Variants in RASGRP1 observed in about 807,000 individuals in gnomAD.
RASGRP1 encodes RAS guanyl releasing protein 1.
A neutral mutation model predicts 95.1 loss-of-function variants in RASGRP1; 37 were observed. That is an observed-to-expected ratio of 0.39 (90% CI 0.30 to 0.51). The LOEUF (loss-of-function observed/expected upper bound fraction) is 0.51. Ranked by LOEUF, RASGRP1 falls within the 20% of genes least tolerant of loss-of-function variation. RASGRP1 has a pLI of 0.80. For missense variants in RASGRP1, 711 were observed against 965.4 expected, an observed-to-expected ratio of 0.74 and a Z score of 3.49; for synonymous variants, 325 against 353.4, an observed-to-expected ratio of 0.92 and a Z score of 0.90.
intron 6 of RASGRP1, 133 bp downstream of exon 6, chr15:38,516,064 T>C (rs1224796587): frequency 4.8e-6 from 5 of 1,037,292 alleles, no homozygotes; most frequent in Admixed American, 2.6e-5. Flanking sequence ...TCAGACTCTA[T>C]GATGTCTGGC....
chr15:38,545,980 T>C (rs567453617), intron 2 of RASGRP1, among the ~76,000 whole-genome samples: 12 of 152,318 alleles, frequency 7.9e-5, no homozygotes, highest in Admixed American at 4.6e-4. Context: ...TCTCTTCTAG[T>C]CTCATAGCTG....
At chr15:38,505,341 AC>A (rs1466905622) in intron 10 of RASGRP1, among the ~76,000 whole-genome samples, 2 of 152,214 alleles carry the variant, frequency 1.3e-5, no homozygotes, top group Admixed American at 6.5e-5. Context: ...TGTTCTTTTC[AC>A]CCAGAACATT....
chr15:38,494,695 G>T lies in RASGRP1; in HGVS notation c.1946C>A (p.Thr649Asn). The T allele has an allele frequency of 6.5e-7, 1 of 1,528,714 alleles. No individual in the cohort carries two copies. The allele number at this position is 1,528,714 out of a possible 1,614,324, so 94.7% of individuals were successfully genotyped here. ...VEHGEESKDR[T>N]IMLMGVSSQK... ...TGAGGACACTCCCATCAGCATGATG[G>T]TCCGATCCTTACTCTCCTCACCATG... The change falls in exon 16 of 17, where the codon ACC becomes AAC. Residue 649 changes from threonine (T) to asparagine (N), a missense_variant. Around this residue, in one of 3 missense-constraint regions of RASGRP1, gnomAD observed 212 missense variants for 247.8 expected, o/e 0.86. Coordinates refer to ENST00000310803, the MANE Select transcript of RASGRP1 (RefSeq NM_005739.4).
rs55704435 is a variant in RASGRP1 at position 38,507,957 on chromosome 15, G to A, written c.1011C>T (p.Tyr337=). The A allele has an allele frequency of 0.015, 24,354 of 1,609,982 alleles. 232 individuals are homozygous for A. The highest frequency in any genetic ancestry group is 0.019 in the Non-Finnish European group (22,430 of 1,178,444). The stretch of plus-strand genomic sequence containing the variant: ...CTCCATAGGCTCGCCGGTAATTGTC[G>A]TAGTTTCTGGAGGAGGACAGCAGCT... The part of the protein sequence containing the change: ...MTELLSSSRN[Y]DNYRRAYGEC... The change falls in exon 9 of 17, where the codon TAC becomes TAT. Residue 337 remains tyrosine, a synonymous_variant. Transcript: ENST00000310803.
At chr15:38,518,265 A>C (rs1261806175) in intron 5 of RASGRP1, 27 bp downstream of exon 5, 23 of 1,603,930 alleles carry the variant, frequency 1.4e-5, no homozygotes, top group Non-Finnish European at 2.0e-5. Flanking sequence ...GTGGTTTCGA[A>C]AGATGAGTCA....
At chr15:38,561,397 A>G (rs1893805154) in intron 1 of RASGRP1, among the ~76,000 whole-genome samples, 2 of 152,252 alleles carry the variant, frequency 1.3e-5, no homozygotes, top group South Asian at 4.1e-4. Flanking sequence ...TAAATGTTAA[A>G]TAAGTGTTCT....
chr15:38,491,923 G>A (rs893941904), intron 16 of RASGRP1, among the ~76,000 whole-genome samples: 2 of 152,190 alleles, frequency 1.3e-5, no homozygotes, highest in African/African-American at 2.4e-5. Flanking sequence ...CCTTTTCATC[G>A]GCATGTAAAA....
intron 2 of RASGRP1, among the ~76,000 whole-genome samples, chr15:38,544,093 G>A (rs993881011): frequency 2.0e-5 from 3 of 152,178 alleles, no homozygotes; most frequent in Admixed American, 6.5e-5. Flanking sequence ...TCATTAGGGT[G>A]AGTCAAGATT....
rs562314506 is a variant in RASGRP1, at chr15:38,553,546, G to A, written c.220+6275C>T. ...TGTAGTCCTCTGACCCATGGGGACG[G>A]GCATAAGTTACGGAGTAGACCCTCC... On this transcript the variant is annotated intron_variant, in intron 2 of 16. Coordinates refer to ENST00000310803, the MANE Select transcript of RASGRP1 (RefSeq NM_005739.4). Among the ~76,000 whole-genome samples the A allele has an allele frequency of 3.7e-4, 57 of 152,256 alleles. 1 individual carries two copies. The highest frequency in any genetic ancestry group is 2.3e-3 in the South Asian group (11 of 4,822).
In RASGRP1 at chr15:38,488,448, C is replaced by T. The variant is rs570231761; in HGVS notation, c.*2106G>A. On this transcript the variant is annotated 3_prime_UTR_variant, in exon 17 of 17. Transcript: ENST00000310803. ...CCCACTAGCCCCATGTTGCTCAACA[C>T]AAATACTATTAACTTGTATACTATA... 6.6e-6 allele frequency: 1 copy of T among 150,386 alleles called. No homozygotes were observed. Among genetic ancestry groups the T allele is most frequent in the South Asian group, 2.1e-4 (1 of 4,768 alleles). 9.3% of individuals were successfully genotyped at this position (150,386 alleles called of 1,614,324 possible).
At chr15:38,536,198 C>T (rs1294988831) in intron 2 of RASGRP1, among the ~76,000 whole-genome samples, 1 of 152,166 alleles carries the variant, frequency 6.6e-6, no homozygotes, top group African/African-American at 2.4e-5. Context: ...CTGCCATGCA[C>T]GCAACCCCAT....
At chr15:38,503,605 T>G in intron 10 of RASGRP1, 1 of 526,494 alleles carries the variant, frequency 1.9e-6, no homozygotes, top group Admixed American at 3.6e-5. Flanking sequence ...TATCTGCAGC[T>G]ACAGATAATT....
chr15:38,498,873 T>G lies in RASGRP1; in HGVS notation c.1794A>C (p.Pro598=), dbSNP rs1246685407. The G allele has an allele frequency of 1.2e-6, 2 of 1,613,764 alleles. No homozygotes were observed. The highest frequency in any genetic ancestry group is 1.7e-6 in the Non-Finnish European group (2 of 1,179,860). Residue 598 remains proline, a synonymous_variant, in exon 15 of 17, where the codon CCA becomes CCC. Transcript: ENST00000310803. The stretch of plus-strand genomic sequence containing the variant: ...AAGTGTTGTTCTCTGTGGGAGCTAC[T>G]GGGTTCTTGGCTCGCTTCTTACACT... ...VFECKKRAKN[P]VAPTENNTSV... is the part of the protein sequence containing the mutation.
intron 2 of RASGRP1, among the ~76,000 whole-genome samples, chr15:38,527,021 A>G (rs1892250379): frequency 6.6e-6 from 1 of 152,234 alleles, no homozygotes; most frequent in African/African-American, 2.4e-5. Flanking sequence ...AGTACTCATG[A>G]TGATTTGTAT....
chr15:38,499,499 C>T (rs544418287), intron 14 of RASGRP1, among the ~76,000 whole-genome samples: 8 of 152,178 alleles, frequency 5.3e-5, no homozygotes, highest in Admixed American at 4.6e-4. Flanking sequence ...AGGCCAGCCA[C>T]GACAGAAAGA....
At chr15:38,543,657 T>C (rs1159026698) in intron 2 of RASGRP1, among the ~76,000 whole-genome samples, 1 of 150,490 alleles carries the variant, frequency 6.6e-6, no homozygotes, top group Non-Finnish European at 1.5e-5. Context: ...TCTTTTTTTT[T>C]TTTTGCATCC....
chr15:38,539,356 A>G (rs1179036717), intron 2 of RASGRP1, among the ~76,000 whole-genome samples: 1 of 152,216 alleles, frequency 6.6e-6, no homozygotes, highest in African/African-American at 2.4e-5. Context: ...CATGCTCTCA[A>G]TATTTACTAC....
In RASGRP1 at chr15:38,507,781, A is replaced by G. The variant is rs1260423984; in HGVS notation, c.1187T>C (p.Leu396Pro). The change falls in exon 9 of 17, where the codon CTG (leucine) becomes CCG (proline). Residue 396 changes from leucine to proline, a missense_variant. Physicochemically the swap from Leu to Pro is moderately conservative, Grantham distance 98. This residue lies in a region of RASGRP1 where 491 missense variants were observed against 676.6 expected (regional missense o/e 0.73). Transcript: ENST00000310803. Reference sequence around the variant, plus strand: ...CTCCAAGGGTGGGGCCACCTCTTGCAGCTGGACCAATTCACTGATATGATT... The same window carrying G: ...CTCCAAGGGTGGGGCCACCTCTTGCGGCTGGACCAATTCACTGATATGATT... The part of the protein sequence containing the change: ...LYNHISELVQ[L>P]QEVAPPLEAN... 2.5e-6 allele frequency: 4 copies of G among 1,605,940 alleles called. No individual in the cohort carries two copies. The highest frequency in any genetic ancestry group is 3.4e-6 in the Non-Finnish European group (4 of 1,176,448).
chr15:38,488,275 G>A lies in RASGRP1; in HGVS notation c.*2279C>T, dbSNP rs991960525. The A allele has an allele frequency of 6.6e-6, 1 of 152,076 alleles. No individual in the cohort carries two copies. The allele number at this position is 152,076 out of a possible 1,614,324, so 9.4% of individuals were successfully genotyped here. A position where few individuals can be genotyped will look rare whatever the true frequency, so the allele number is the denominator to read the frequency against. Reference sequence around the variant, plus strand: ...AAAAAGGTAAGTCAGCAAAGAAAATGAGAAGTGACCCTGCTGTTAATACAA... The same window carrying A: ...AAAAAGGTAAGTCAGCAAAGAAAATAAGAAGTGACCCTGCTGTTAATACAA... On this transcript the variant is annotated 3_prime_UTR_variant, in exon 17 of 17. Transcript: ENST00000310803.
Sources: gnomAD v4.1 joint callset for allele counts (sites outside exome capture counted in the v4.1 genomes callset) on GRCh38, gnomAD v4.1.1 for gene constraint, gnomAD v4.1.1 regional missense constraint, MANE v1.5 for transcripts, NCBI Gene and HGNC (gene_info 2026-07-23, HGNC 2026-07-21) for gene names.